The following TTLL8 variants were observed in gnomAD, a reference collection of about 807,000 sequenced individuals.
TTLL8 encodes protein monoglycylase TTLL8.
A neutral mutation model predicts 77.8 loss-of-function variants in TTLL8; 65 were observed. The ratio of observed to expected loss-of-function variants is 0.84; its 90% CI spans 0.68 to 1.03. TTLL8 has a LOEUF of 1.03. Ranked by LOEUF, TTLL8 falls within the 50% of genes least tolerant of loss-of-function variation. TTLL8 has a pLI of 0.00. For synonymous variants in TTLL8, 402 were observed against 422.8 expected (o/e 0.95, Z 0.60); for missense variants, 910 against 1,004.5 (o/e 0.91, Z 1.27).
At position 50,034,212 on chromosome 22, in the gene TTLL8, G is replaced by A. The variant is rs569856894; in HGVS notation, c.1039+133C>T. 2.8e-4 allele frequency: 318 copies of A among 1,136,694 alleles called. 1 individual carries two copies. Among genetic ancestry groups the A allele is most frequent in the East Asian group, 7.7e-4 (13 of 16,886 alleles). 70.4% of individuals were successfully genotyped at this position (1,136,694 alleles called of 1,614,324 possible). Reference sequence around the variant, plus strand: ...CCAGCGCCTGAGTCCTGACCCCCACGCCTGCCTCGGCGTTCTGCTCCCTCC... The same window carrying A: ...CCAGCGCCTGAGTCCTGACCCCCACACCTGCCTCGGCGTTCTGCTCCCTCC... On this transcript the variant is annotated intron_variant, in intron 9 of 13. Transcript: ENST00000266182. The surrounding 1 kb of genome is among the most constrained non-coding windows in gnomAD (Gnocchi z 4.1).
chr22:50,057,388 T>C (rs1209429202), upstream of TTLL8, among the ~76,000 whole-genome samples: 2 of 75,968 alleles, frequency 2.6e-5, no homozygotes, highest in Non-Finnish European at 4.5e-5. Context: ...CAGGTCTGGG[T>C]TGGGGTCAGG....
intron 12 of TTLL8, among the ~76,000 whole-genome samples, 43 bp from the exon 14 acceptor site, chr22:50,018,834 G>A (rs1034468416): frequency 6.6e-6 from 1 of 152,218 alleles, no homozygotes; most frequent in African/African-American, 2.4e-5. Flanking sequence ...TCATCCGAAC[G>A]TCCCATCACT....
At chr22:50,058,134 C>G (rs1601947399), upstream of TTLL8, among the ~76,000 whole-genome samples, 1 of 151,806 alleles carries the variant, frequency 6.6e-6, no homozygotes, top group East Asian at 1.9e-4. This position sits in a 1 kb window ranked among gnomAD's most constrained non-coding sequence, Gnocchi z 4.2. Context: ...TGGGGTTCCG[C>G]GGTCGGGGGT....
intron 8 of TTLL8, among the ~76,000 whole-genome samples, chr22:50,037,208 CTT>C (rs71649334): frequency 8.0e-4 from 118 of 147,052 alleles, no homozygotes; most frequent in Non-Finnish European, 8.3e-4. Flanking sequence ...GTCGTTTTAA[CTT>C]TTTTTTTTTT....
Position 50,034,649 on chromosome 22 carries a change from G to T in TTLL8, c.922-187C>A. The T allele has an allele frequency of 2.2e-6, 1 of 453,534 alleles. No individual in the cohort carries two copies. The highest frequency in any genetic ancestry group is 3.7e-6 in the Non-Finnish European group (1 of 268,398). The allele number at this position is 453,534 out of a possible 1,614,324, so 28.1% of individuals were successfully genotyped here. On this transcript the variant is annotated intron_variant, in intron 8 of 13. Coordinates refer to ENST00000266182, the Ensembl canonical transcript of TTLL8. The surrounding 1 kb of genome is among the most constrained non-coding windows in gnomAD (Gnocchi z 4.1). ...GTCGGCCCAGGAAGTTCTCCCAACAGTATGGACACCTGGAAAACACAGCCC... is the reference window on the plus strand; with the variant it reads ...GTCGGCCCAGGAAGTTCTCCCAACATTATGGACACCTGGAAAACACAGCCC...
rs2061392765 is a variant in TTLL8, at chr22:50,044,021, A to G, written c.643+1234T>C. On this transcript the variant is annotated intron_variant, in intron 6 of 13. Coordinates refer to ENST00000266182, the Ensembl canonical transcript of TTLL8. This position sits in a 1 kb window ranked among gnomAD's most constrained non-coding sequence, Gnocchi z 4.2. ...ATGATGTGTCATTGTAGGTTCATCA[A>G]TTGTGTTAAAATCATTAATTAGGCC... Among the ~76,000 whole-genome samples the G allele has an allele frequency of 6.6e-6, 1 of 152,164 alleles. No individual in the cohort carries two copies. The highest frequency in any genetic ancestry group is 1.5e-5 in the Non-Finnish European group (1 of 68,026).
At chr22:50,019,599 G>A (rs998833731) in intron 12 of TTLL8, among the ~76,000 whole-genome samples, 3 of 152,188 alleles carry the variant, frequency 2.0e-5, no homozygotes, top group Non-Finnish European at 2.9e-5. Flanking sequence ...ACGTGGGAGG[G>A]ACTGATGGGG....
chr22:50,055,565 G>A (rs1285559862), upstream of TTLL8, among the ~76,000 whole-genome samples: 2 of 151,290 alleles, frequency 1.3e-5, no homozygotes, highest in Non-Finnish European at 2.9e-5. Flanking sequence ...TGAGGCAGGC[G>A]AATCGCTTGA....
chr22:50,030,435 C>A, exon 12 of TTLL8: 2 of 1,331,134 alleles, frequency 1.5e-6, no homozygotes, highest in South Asian at 2.3e-5. Flanking sequence ...GTTACCTTTT[C>A]CTCCGGGCGG....
chr22:50,053,032 G>C (rs2061452064), intron 1 of TTLL8, among the ~76,000 whole-genome samples: 1 of 152,086 alleles, frequency 6.6e-6, no homozygotes, highest in South Asian at 2.1e-4. Flanking sequence ...GACCAGCCTG[G>C]CCAACATGGT....
chr22:50,030,144 T>C, intron 12 of TTLL8: 1 of 982,906 alleles, frequency 1.0e-6, no homozygotes, highest in African/African-American at 1.7e-5. Context: ...ACCCCAGAGG[T>C]ATGGGGACAA....
At chr22:50,025,831 G>A (rs1569219688) in intron 12 of TTLL8, among the ~76,000 whole-genome samples, 3 of 152,108 alleles carry the variant, frequency 2.0e-5, no homozygotes. Context: ...TTAAAACCAC[G>A]ATGAGATATC....
At chr22:50,033,514 TG>T (rs753377120) in intron 9 of TTLL8, 69 bp from the exon 11 acceptor site, 4 of 1,288,776 alleles carry the variant, frequency 3.1e-6, no homozygotes, top group Non-Finnish European at 4.1e-6. Flanking sequence ...TCCTGAGCCC[TG>T]GGGCAGGGTC....
upstream of TTLL8, among the ~76,000 whole-genome samples, chr22:50,055,523 C>T (rs1569236041): frequency 6.6e-6 from 1 of 151,976 alleles, no homozygotes; most frequent in Non-Finnish European, 1.5e-5. Flanking sequence ...GTGATGGTAG[C>T]TCATGCCTGT....
chr22:50,051,310 C>T (rs1407762153), intron 1 of TTLL8, among the ~76,000 whole-genome samples: 1 of 152,238 alleles, frequency 6.6e-6, no homozygotes, highest in African/African-American at 2.4e-5. Context: ...TCCTGAGTTA[C>T]TTCGCTTGGA....
chr22:50,034,561 C>A lies in TTLL8; in HGVS notation c.922-99G>T. The A allele has an allele frequency of 8.2e-7, 1 of 1,225,838 alleles. No homozygotes were observed. 75.9% of individuals were successfully genotyped at this position (1,225,838 alleles called of 1,614,324 possible). A position where few individuals can be genotyped will look rare whatever the true frequency, so the allele number is the denominator to read the frequency against. On this transcript the variant is annotated intron_variant, in intron 8 of 13. Coordinates refer to ENST00000266182, the Ensembl canonical transcript of TTLL8. The surrounding 1 kb of genome is among the most constrained non-coding windows in gnomAD (Gnocchi z 4.1). ...ACTTGGAGGCCTGGGCCCCGCCTCA[C>A]CCACCAAGCAGGCGCTCGGCTCTAG...
chr22:50,046,486 C>A (rs1401524798), intron 4 of TTLL8, among the ~76,000 whole-genome samples: 1 of 152,220 alleles, frequency 6.6e-6, no homozygotes, highest in South Asian at 2.1e-4. Flanking sequence ...AAGTGGCTGG[C>A]CCCCAGAAAA....
At chr22:50,055,063 A>C (rs1486579757), upstream of TTLL8, 3 of 846,662 alleles carry the variant, frequency 3.5e-6, no homozygotes, top group Non-Finnish European at 4.3e-6. Context: ...TCATCTCAAA[A>C]ATAAGTTAAG....
At chr22:50,029,606 C>T (rs1332224304) in intron 12 of TTLL8, among the ~76,000 whole-genome samples, 1 of 152,178 alleles carries the variant, frequency 6.6e-6, no homozygotes, top group Admixed American at 6.5e-5. Flanking sequence ...TGGCGGGCGC[C>T]TGTGGTCCCA....
Sources: allele counts gnomAD v4.1 joint callset (sites outside exome capture counted in the v4.1 genomes callset), GRCh38; gene constraint gnomAD v4.1.1; non-coding constraint Gnocchi (gnomAD v3.1); transcripts MANE v1.5; gene names NCBI Gene and HGNC (gene_info 2026-07-23, HGNC 2026-07-21).